The following PPARG variants were observed in gnomAD, a reference collection of about 807,000 sequenced individuals.
The protein encoded by PPARG is peroxisome proliferator-activated receptor gamma.
In PPARG, 17 loss-of-function variants were observed where a neutral mutation model predicts 39.2. That is an observed-to-expected ratio of 0.43 (90% CI 0.30 to 0.65). The LOEUF (loss-of-function observed/expected upper bound fraction) is 0.65. Among genes scored for constraint, PPARG ranks in the 30% least tolerant of loss-of-function variants. The pLI is 0.13. For synonymous variants in PPARG, 223 were observed against 215.7 expected (o/e 1.03, Z -0.30); for missense variants, 406 against 585.9 (o/e 0.69, Z 3.17).
chr3:12,392,515 G>T (rs1033791045), intron 4 of PPARG, 99 bp from the exon 5 acceptor site: 20 of 1,390,218 alleles, frequency 1.4e-5, no homozygotes, highest in Middle Eastern at 3.5e-4. Context: ...TCAAGAACCT[G>T]CCTTTTCTGA....
chr3:12,305,876 G>A (rs1304381464), intron 1 of PPARG: 2 of 152,072 alleles, frequency 1.3e-5, no homozygotes, highest in Non-Finnish European at 2.9e-5. Flanking sequence ...TTTAAATCTT[G>A]AACCAAAATG....
chr3:12,290,896 C>T (rs2046632311), intron 1 of PPARG, among the ~76,000 whole-genome samples: 1 of 152,098 alleles, frequency 6.6e-6, no homozygotes. Context: ...GTTAAAATGA[C>T]ATTTTCTGAA....
At chr3:12,399,255 T>C (rs1034453830) in intron 5 of PPARG, 2 of 415,474 alleles carry the variant, frequency 4.8e-6, no homozygotes, top group Non-Finnish European at 9.6e-6. Context: ...TAAGAAAATG[T>C]TTAAATGTCC....
intron 1 of PPARG, among the ~76,000 whole-genome samples, chr3:12,303,148 C>G (rs918704979): frequency 6.6e-6 from 1 of 152,108 alleles, no homozygotes; most frequent in East Asian, 1.9e-4. Flanking sequence ...GTTAGAAGAC[C>G]GCTGCCCTAA....
At chr3:12,296,374 C>T (rs2046786951) in intron 1 of PPARG, among the ~76,000 whole-genome samples, 1 of 151,626 alleles carries the variant, frequency 6.6e-6, no homozygotes, top group African/African-American at 2.4e-5. Flanking sequence ...GTTTCTTGGA[C>T]CTCATCCCAG....
intron 2 of PPARG, among the ~76,000 whole-genome samples, chr3:12,358,665 T>A (rs1423844697): frequency 6.6e-6 from 1 of 152,160 alleles, no homozygotes; most frequent in Non-Finnish European, 1.5e-5. Flanking sequence ...ATGATGCTAA[T>A]AAGAGCCAAA....
intron 4 of PPARG, among the ~76,000 whole-genome samples, chr3:12,390,637 CTTTTTT>C (rs35190152): frequency 2.2e-5 from 2 of 92,354 alleles, no homozygotes; most frequent in Non-Finnish European, 3.9e-5. Flanking sequence ...TATTTTCTTC[CTTTTTT>C]TTTTTTTTTT....
intron 2 of PPARG, among the ~76,000 whole-genome samples, chr3:12,318,667 G>T (rs949383434): frequency 6.6e-6 from 1 of 151,940 alleles, no homozygotes; most frequent in Non-Finnish European, 1.5e-5. Context: ...AGTTTTCTTT[G>T]CCTCAAATAA....
chr3:12,386,665 G>A (rs190679907), intron 4 of PPARG, among the ~76,000 whole-genome samples: 27 of 152,228 alleles, frequency 1.8e-4, no homozygotes, highest in Admixed American at 1.7e-3. Flanking sequence ...ATAAGATTCA[G>A]AATGGTTAAT....
At chr3:12,295,373 A>G (rs959475893) in intron 1 of PPARG, among the ~76,000 whole-genome samples, 5 of 152,242 alleles carry the variant, frequency 3.3e-5, no homozygotes, top group African/African-American at 9.6e-5. Flanking sequence ...AGAAGAGTGA[A>G]GAAAATACCC....
At chr3:12,422,402 T>C (rs980980128) in intron 7 of PPARG, among the ~76,000 whole-genome samples, 2 of 152,230 alleles carry the variant, frequency 1.3e-5, no homozygotes, top group African/African-American at 4.8e-5. Context: ...ACAGAGCTAC[T>C]AATCGGTGAG....
At chr3:12,399,667 GGGAAAAAA>G (rs1389716858) in intron 5 of PPARG, among the ~76,000 whole-genome samples, 1 of 1,420 alleles carries the variant, frequency 7.0e-4, no homozygotes, top group Non-Finnish European at 1.8e-3. Flanking sequence ...GAGGGAGGGA[GGGAAAAAA>G]GGAAAAAGGA....
intron 7 of PPARG, among the ~76,000 whole-genome samples, chr3:12,421,637 C>T (rs1045487227): frequency 2.0e-5 from 3 of 152,320 alleles, no homozygotes; most frequent in African/African-American, 7.2e-5. Flanking sequence ...CATTTCAGTT[C>T]TTCCTAAACC....
chr3:12,359,264 T>C (rs1026871927), intron 2 of PPARG, among the ~76,000 whole-genome samples: 1 of 152,070 alleles, frequency 6.6e-6, no homozygotes, highest in Non-Finnish European at 1.5e-5. Flanking sequence ...TGATTGAACA[T>C]TTACTGAGCT....
At chr3:12,296,312 A>T (rs147287719) in intron 1 of PPARG, among the ~76,000 whole-genome samples, 42 of 150,644 alleles carry the variant, frequency 2.8e-4, no homozygotes, top group African/African-American at 9.7e-4. Flanking sequence ...AGTGGTTCTT[A>T]AAATGTGGTC....
chr3:12,311,638 G>A (rs754333618), intron 1 of PPARG, among the ~76,000 whole-genome samples: 1 of 151,646 alleles, frequency 6.6e-6, no homozygotes, highest in African/African-American at 2.4e-5. Flanking sequence ...GTCGGGTCTC[G>A]ATGTTGGCGC....
At chr3:12,351,398 T>G (rs2048481783) in intron 2 of PPARG, 1 of 630,258 alleles carries the variant, frequency 1.6e-6, no homozygotes, top group African/African-American at 1.8e-5. Flanking sequence ...AATAGGACAG[T>G]GCCAGCCAAT....
intron 5 of PPARG, among the ~76,000 whole-genome samples, chr3:12,397,202 A>C (rs1211950544): frequency 6.6e-6 from 1 of 151,936 alleles, no homozygotes; most frequent in Non-Finnish European, 1.5e-5. Context: ...AACTTTCAAA[A>C]TAGTTTCTCA....
At chr3:12,343,261 T>C (rs1438813141) in intron 2 of PPARG, among the ~76,000 whole-genome samples, 1 of 152,206 alleles carries the variant, frequency 6.6e-6, no homozygotes, top group Non-Finnish European at 1.5e-5. Flanking sequence ...GTCTTGCCTT[T>C]CTTCACTCTG....
Sources: allele counts gnomAD v4.1 joint callset (sites outside exome capture counted in the v4.1 genomes callset), GRCh38; gene constraint gnomAD v4.1.1; transcripts MANE v1.5; gene names NCBI Gene and HGNC (gene_info 2026-07-23, HGNC 2026-07-21).